TAF1B: variants seen among roughly 807,000 people sequenced by gnomAD.
TAF1B encodes the protein TATA box-binding protein-associated factor RNA polymerase I subunit B.
Under a neutral mutation model 83.9 loss-of-function variants are expected in TAF1B, and 61 were observed. That is an observed-to-expected ratio of 0.73 (90% confidence interval 0.59 to 0.90). The LOEUF (loss-of-function observed/expected upper bound fraction) is 0.90, where lower values mean the gene tolerates loss of function less well. Ranked by LOEUF, TAF1B falls within the 40% of genes least tolerant of loss-of-function variation. TAF1B has a pLI of 0.00. For missense variants in TAF1B, 625 were observed against 677.0 expected (o/e 0.92, Z 0.85); for synonymous variants, 221 against 224.6 (o/e 0.98, Z 0.14).
chr2:9,911,536 C>A lies in TAF1B; in HGVS notation c.1159C>A (p.His387Asn). The A allele has an allele frequency of 2.6e-6, 4 of 1,519,520 alleles. No individual in the cohort carries two copies. The highest frequency in any genetic ancestry group is 4.5e-5 in the Admixed American group (2 of 44,370). The allele number at this position is 1,519,520 out of a possible 1,614,324, so 94.1% of individuals were successfully genotyped here. A position where few individuals can be genotyped will look rare whatever the true frequency, so the allele number is the denominator to read the frequency against. ...GTCTTTGTCTAATCTTGCTGAAAAG[C>A]ATAATGAAAAGAACAAAAAAGGTAT... The part of the protein sequence containing the change: ...EWSLSNLAEK[H>N]NEKNKKDKPW... Residue 387 changes from histidine (H) to asparagine (N), a missense_variant, in exon 11 of 15, where the codon CAT (histidine) becomes AAT (asparagine). By Grantham distance (68) the His-to-Asn change is moderately conservative. Coordinates refer to ENST00000263663, the MANE Select transcript of TAF1B (RefSeq NM_005680.3).
At chr2:9,895,868 G>A (rs889829200) in intron 8 of TAF1B, among the ~76,000 whole-genome samples, 3 of 147,282 alleles carry the variant, frequency 2.0e-5, no homozygotes, top group African/African-American at 7.5e-5. Context: ...GCCTCTGACA[G>A]GGTATTGTAA....
chr2:9,874,414 C>A (rs1032887324), intron 6 of TAF1B, among the ~76,000 whole-genome samples: 8 of 151,982 alleles, frequency 5.3e-5, no homozygotes, highest in African/African-American at 1.9e-4. Context: ...TGCTATTTTT[C>A]TATGTAGCAT....
At chr2:9,924,861 C>G (rs1357260142) in intron 14 of TAF1B, among the ~76,000 whole-genome samples, 7 of 152,196 alleles carry the variant, frequency 4.6e-5, no homozygotes, top group Non-Finnish European at 1.0e-4. Context: ...AAGAGTACTT[C>G]AGGTATGGGA....
chr2:9,906,312 G>A (rs1352647727), intron 9 of TAF1B, among the ~76,000 whole-genome samples: 2 of 152,112 alleles, frequency 1.3e-5, no homozygotes, highest in East Asian at 3.8e-4. Context: ...CTGTGCGTAA[G>A]GAGTAGAAAT....
chr2:9,853,170 T>C (rs963457292), intron 4 of TAF1B, among the ~76,000 whole-genome samples: 1 of 152,244 alleles, frequency 6.6e-6, no homozygotes, highest in African/African-American at 2.4e-5. Flanking sequence ...TGTAGCTTTA[T>C]GCTCACCTCA....
intron 5 of TAF1B, among the ~76,000 whole-genome samples, chr2:9,862,040 T>C: frequency 6.6e-6 from 1 of 151,832 alleles, no homozygotes; most frequent in South Asian, 2.1e-4. Flanking sequence ...TCAGAACGCC[T>C]CTCCTCCAAA....
Position 9,934,282 on chromosome 2 carries a change from A to G in TAF1B, c.*298A>G, listed in dbSNP as rs1042015232. On this transcript the variant is annotated 3_prime_UTR_variant, in exon 15 of 15. Transcript: ENST00000263663. ...ATTTTAAAGCTAAATTTATTTTTTA[A>G]ACTAGATCCCTTCATTATTCTTTAT... 15 of 213,402 alleles carry G rather than the reference A, an allele frequency of 7.0e-5. No individual in the cohort carries two copies. The highest frequency in any genetic ancestry group is 9.4e-5 in the Non-Finnish European group (10 of 106,686). 13.2% of individuals were successfully genotyped at this position (213,402 alleles called of 1,614,324 possible).
At chr2:9,920,381 A>G (rs1239396218) in intron 14 of TAF1B, among the ~76,000 whole-genome samples, 8 of 152,026 alleles carry the variant, frequency 5.3e-5, no homozygotes, top group Non-Finnish European at 2.9e-5. Context: ...CTTTAATCTG[A>G]TTGTCCCTCA....
chr2:9,846,034 G>T (rs116109396), intron 2 of TAF1B: 2 of 468,536 alleles, frequency 4.3e-6, no homozygotes, highest in East Asian at 1.4e-4. Flanking sequence ...ATTATTCTTC[G>T]TTATCCTTTT....
At chr2:9,897,337 T>C (rs1200761143) in intron 8 of TAF1B, among the ~76,000 whole-genome samples, 2 of 152,234 alleles carry the variant, frequency 1.3e-5, no homozygotes, top group Admixed American at 6.5e-5. Flanking sequence ...AGTTTAAAAA[T>C]AGATAATATG....
chr2:9,858,903 G>A (rs1663656379), intron 5 of TAF1B, among the ~76,000 whole-genome samples: 1 of 152,250 alleles, frequency 6.6e-6, no homozygotes, highest in Non-Finnish European at 1.5e-5. Flanking sequence ...TGTGATGGGA[G>A]GGGCTGTCTC....
intron 7 of TAF1B, among the ~76,000 whole-genome samples, chr2:9,879,844 A>C (rs1471201824): frequency 1.3e-5 from 2 of 152,200 alleles, no homozygotes; most frequent in East Asian, 3.9e-4. Flanking sequence ...ATATGTTTTC[A>C]AAGTTTGCAA....
intron 8 of TAF1B, among the ~76,000 whole-genome samples, chr2:9,903,953 A>G (rs1665266130): frequency 6.6e-6 from 1 of 152,200 alleles, no homozygotes. Context: ...TTGCTGAGTT[A>G]AAATATTAAG....
At position 9,923,847 on chromosome 2, in the gene TAF1B, C is replaced by A. The variant is rs73913918; in HGVS notation, c.1565+4027C>A. On this transcript the variant is annotated intron_variant, in intron 14 of 14. Coordinates refer to ENST00000263663, the MANE Select transcript of TAF1B (RefSeq NM_005680.3). ...CTGAAGAGGAGAAAGAGTTATAGTC[C>A]CCAGTGAAGAGTGCTTGCCCACAAC... Among the ~76,000 whole-genome samples the A allele has an allele frequency of 6.9e-3, 1,053 of 152,192 alleles. 12 individuals carry two copies. The highest frequency in any genetic ancestry group is 0.025 in the African/African-American group (1,021 of 41,490).
In TAF1B at chr2:9,904,884, A is replaced by AT. The variant is rs779193988; in HGVS notation, c.833_834insT (p.Lys279GlnfsTer20). The AT allele has an allele frequency of 8.6e-5, 139 of 1,609,996 alleles. No homozygotes were observed. The highest frequency in any genetic ancestry group is 2.8e-4 in the Admixed American group (17 of 59,996). On this transcript the variant is annotated frameshift_variant, in exon 9 of 15. Transcript: ENST00000263663. LOFTEE classifies it high-confidence loss of function. ...TCTTGGCCTGACTACGAGGACATCTACAAAAAAACAGTAGAAGTTGGAACA... is the reference window on the plus strand; with the variant it reads ...TCTTGGCCTGACTACGAGGACATCTATCAAAAAAACAGTAGAAGTTGGAACA...
In TAF1B at chr2:9,919,725, T is replaced by C. The variant is rs369394722; in HGVS notation, c.1470T>C (p.His490=). The change falls in exon 14 of 15, where the codon CAT becomes CAC. Residue 490 remains histidine (H), a synonymous_variant. Transcript: ENST00000263663. The part of the protein sequence containing the change: ...TEEDTDRTCF[H]GHSLQGVLKE... ...AGGACACTGATAGAACGTGTTTCCATGGACACAGCCTTCAGGGAGTCCTGA... is the reference window on the plus strand; with the variant it reads ...AGGACACTGATAGAACGTGTTTCCACGGACACAGCCTTCAGGGAGTCCTGA... 8.1e-6 allele frequency: 13 copies of C among 1,614,072 alleles called. No homozygotes were observed. In the African/African-American group the frequency reaches 1.7e-4, roughly 22 times the overall value.
chr2:9,911,560 A>G lies in TAF1B; in HGVS notation c.1180+3A>G, dbSNP rs1411096435. ...GCATAATGAAAAGAACAAAAAAGGT[A>G]TTTTAATTTTTTATCATTCAAATTC... On this transcript the variant is annotated splice_donor_region_variant and intron_variant, in intron 11 of 14. Coordinates refer to ENST00000263663, the MANE Select transcript of TAF1B (RefSeq NM_005680.3). 1.3e-6 allele frequency: 2 copies of G among 1,515,266 alleles called. No homozygotes were observed. The highest frequency in any genetic ancestry group is 1.8e-6 in the Non-Finnish European group (2 of 1,123,412). The allele number at this position is 1,515,266 out of a possible 1,614,324, so 93.9% of individuals were successfully genotyped here. A position where few individuals can be genotyped will look rare whatever the true frequency, so the allele number is the denominator to read the frequency against.
intron 8 of TAF1B, among the ~76,000 whole-genome samples, chr2:9,895,240 C>T (rs1339371528): frequency 6.6e-6 from 1 of 152,212 alleles, no homozygotes. Flanking sequence ...TGGCTTACGC[C>T]TGTAATCCCA....
chr2:9,868,282 G>A lies in TAF1B; in HGVS notation c.406G>A (p.Glu136Lys). ...YTTGRKPTVL[E>K]DNLSHSDWAS... ...TATATTGTTTTGCAAACAGGTATTA[G>A]AAGATAATCTAAGTCATTCAGACTG... is the stretch of plus-strand genomic sequence containing the variant. Residue 136 changes from glutamate (E) to lysine (K), a missense_variant, in exon 6 of 15, where the codon GAA becomes AAA. Coordinates refer to ENST00000263663, the MANE Select transcript of TAF1B (RefSeq NM_005680.3). 6.2e-7 allele frequency: 1 copy of A among 1,611,180 alleles called. No homozygotes were observed. The highest frequency in any genetic ancestry group is 2.2e-5 in the East Asian group (1 of 44,582).
Sources: gnomAD v4.1 joint callset for allele counts (sites outside exome capture counted in the v4.1 genomes callset) on GRCh38, gnomAD v4.1.1 for gene constraint, MANE v1.5 for transcripts, NCBI Gene and HGNC (gene_info 2026-07-23, HGNC 2026-07-21) for gene names.